Variants in SNTB1 observed in about 807,000 individuals in gnomAD.
SNTB1 encodes beta-1-syntrophin.
Under a neutral mutation model 48.9 loss-of-function variants are expected in SNTB1, and 36 were observed. The ratio of observed to expected loss-of-function variants is 0.74; its 90% CI spans 0.56 to 0.97. The LOEUF is 0.97. Ranked by LOEUF, SNTB1 falls within the 50% of genes least tolerant of loss-of-function variation. SNTB1 has a pLI of 0.00. For synonymous variants in SNTB1, 299 were observed against 294.6 expected (o/e 1.01, Z -0.15); for missense variants, 786 against 703.4 (o/e 1.12, Z -1.33).
chr8:120,760,141 CA>C (rs1358805388), intron 1 of SNTB1, among the ~76,000 whole-genome samples: 6 of 151,982 alleles, frequency 3.9e-5, no homozygotes, highest in East Asian at 1.9e-4. Context: ...TTACATGTCA[CA>C]AAAAATTATT....
At chr8:120,759,252 T>A (rs535295794) in intron 1 of SNTB1, among the ~76,000 whole-genome samples, 1 of 152,296 alleles carries the variant, frequency 6.6e-6, no homozygotes, top group East Asian at 1.9e-4. Flanking sequence ...GTGGTTTATC[T>A]TTCCTTTTAC....
chr8:120,655,374 G>T (rs983780742), intron 2 of SNTB1, among the ~76,000 whole-genome samples: 3 of 152,172 alleles, frequency 2.0e-5, no homozygotes, highest in Non-Finnish European at 4.4e-5. Flanking sequence ...TTGTAATAAG[G>T]ATAAGTACTT....
chr8:120,797,416 T>C (rs201806157), intron 1 of SNTB1, among the ~76,000 whole-genome samples: 1 of 152,022 alleles, frequency 6.6e-6, no homozygotes, highest in African/African-American at 2.4e-5. Flanking sequence ...TATTCAGGGG[T>C]TGATATTCAA....
At chr8:120,564,434 C>T (rs1485595040) in intron 4 of SNTB1, among the ~76,000 whole-genome samples, 1 of 151,312 alleles carries the variant, frequency 6.6e-6, no homozygotes, top group African/African-American at 2.4e-5. Context: ...CTGGGGCTTC[C>T]AGCCTCTAGA....
At chr8:120,567,558 C>T (rs1563819313) in intron 4 of SNTB1, among the ~76,000 whole-genome samples, 1 of 151,850 alleles carries the variant, frequency 6.6e-6, no homozygotes, top group African/African-American at 2.4e-5. Flanking sequence ...GTCACTGGGA[C>T]TACAGGTGTG....
At chr8:120,571,075 A>G (rs1382589556) in intron 4 of SNTB1, 1 of 628,676 alleles carries the variant, frequency 1.6e-6, no homozygotes, top group African/African-American at 2.0e-5. Flanking sequence ...TAGATGATTT[A>G]TAAATGTTGA....
chr8:120,697,687 A>T (rs1161702873), intron 1 of SNTB1, among the ~76,000 whole-genome samples: 1 of 152,248 alleles, frequency 6.6e-6, no homozygotes, highest in Non-Finnish European at 1.5e-5. Flanking sequence ...GAAATGTTGC[A>T]TACAAGGAAA....
chr8:120,760,490 A>G (rs1819399322), intron 1 of SNTB1, among the ~76,000 whole-genome samples: 1 of 152,080 alleles, frequency 6.6e-6, no homozygotes, highest in African/African-American at 2.4e-5. Flanking sequence ...ATTACTGGAG[A>G]CCGAGCCTGG....
rs1369409773 is a variant in SNTB1 at position 120,541,922 on chromosome 8, T to A, written c.1412A>T (p.Glu471Val). 1 of 1,614,038 alleles carries A rather than the reference T, an allele frequency of 6.2e-7. No homozygotes were observed. The highest frequency in any genetic ancestry group is 1.7e-5 in the Admixed American group (1 of 60,018). Reference sequence around the variant, plus strand: ...TATGATGGTCTTGGGAAAGGCACCCTCCTGTGGTTCAGTGGTAATAGAAAA... The same window carrying A: ...TATGATGGTCTTGGGAAAGGCACCCACCTGTGGTTCAGTGGTAATAGAAAA... ...NGFSITTEPQ[E>V]GAFPKTIIQS... The change falls in exon 6 of 7, where the codon GAG becomes GTG. Residue 471 changes from glutamate to valine, a missense_variant. Physicochemically the swap from Glu to Val is moderately radical, Grantham distance 121. Coordinates refer to ENST00000517992, the MANE Select transcript of SNTB1 (RefSeq NM_021021.4).
chr8:120,562,694 A>G (rs1335582148), intron 4 of SNTB1, among the ~76,000 whole-genome samples: 2 of 152,056 alleles, frequency 1.3e-5, no homozygotes, highest in Non-Finnish European at 2.9e-5. Context: ...TGACAAATGC[A>G]ATTGGCCAAA....
chr8:120,606,656 C>A (rs1057079300), intron 3 of SNTB1, among the ~76,000 whole-genome samples: 1 of 152,098 alleles, frequency 6.6e-6, no homozygotes, highest in South Asian at 2.1e-4. Flanking sequence ...AGTAAGTTGT[C>A]TTTAAAAGAA....
intron 1 of SNTB1, among the ~76,000 whole-genome samples, chr8:120,772,931 C>T (rs991483009): frequency 1.3e-5 from 2 of 152,180 alleles, no homozygotes; most frequent in Non-Finnish European, 2.9e-5. Context: ...GCCCCCACAA[C>T]AAGTGTGCTA....
chr8:120,653,703 G>A (rs1186740220), intron 2 of SNTB1, among the ~76,000 whole-genome samples: 3 of 152,108 alleles, frequency 2.0e-5, no homozygotes, highest in African/African-American at 7.2e-5. Context: ...ATTTAGAGCT[G>A]TGGAATCATG....
At chr8:120,618,814 G>T (rs1312059563) in intron 3 of SNTB1, among the ~76,000 whole-genome samples, 1 of 152,140 alleles carries the variant, frequency 6.6e-6, no homozygotes, top group Non-Finnish European at 1.5e-5. Flanking sequence ...AAACAATATG[G>T]TAAAAGGGCA....
intron 5 of SNTB1, among the ~76,000 whole-genome samples, chr8:120,542,700 A>G (rs1732349418): frequency 7.5e-6 from 1 of 133,964 alleles, no homozygotes; most frequent in African/African-American, 3.4e-5. Flanking sequence ...TGAATCACCA[A>G]CCTTATCATC....
chr8:120,573,911 A>G (rs1460067613), intron 4 of SNTB1, among the ~76,000 whole-genome samples: 1 of 152,192 alleles, frequency 6.6e-6, no homozygotes, highest in African/African-American at 2.4e-5. Context: ...CAGTATCATA[A>G]GGTTTTGATT....
At chr8:120,662,445 G>GT (rs1264705017) in intron 2 of SNTB1, among the ~76,000 whole-genome samples, 4 of 152,146 alleles carry the variant, frequency 2.6e-5, no homozygotes, top group African/African-American at 9.7e-5. Flanking sequence ...ATTAGTTCCT[G>GT]TTTTTTAAGA....
chr8:120,720,575 C>T (rs1818642522), intron 1 of SNTB1, among the ~76,000 whole-genome samples: 1 of 152,190 alleles, frequency 6.6e-6, no homozygotes, highest in African/African-American at 2.4e-5. Flanking sequence ...AGTGCAAAGA[C>T]CTCTATCCTA....
At chr8:120,747,850 T>C (rs1182878332) in intron 1 of SNTB1, among the ~76,000 whole-genome samples, 2 of 152,134 alleles carry the variant, frequency 1.3e-5, no homozygotes, top group African/African-American at 4.8e-5. Context: ...TATAAAAAAA[T>C]AGGCAAACCC....
Sources: gnomAD v4.1 joint callset for allele counts (sites outside exome capture counted in the v4.1 genomes callset) on GRCh38, gnomAD v4.1.1 for gene constraint, MANE v1.5 for transcripts, NCBI Gene and HGNC (gene_info 2026-07-23, HGNC 2026-07-21) for gene names.